CPED1: variants seen among roughly 807,000 people sequenced by gnomAD.
The protein encoded by CPED1 is cadherin like and PC-esterase domain containing 1, also known as cadherin-like and PC-esterase domain-containing protein 1.
Under a neutral mutation model 128.2 loss-of-function variants are expected in CPED1, and 114 were observed. The ratio of observed to expected loss-of-function variants is 0.89; its 90% CI spans 0.76 to 1.04. CPED1 has a LOEUF of 1.04. CPED1 is among the 50% of genes least tolerant of loss of function. CPED1 has a pLI of 0.00. For missense variants in CPED1, 1,211 were observed against 1,207.1 expected (o/e 1.00, Z -0.05); for synonymous variants, 462 against 426.7 (o/e 1.08, Z -1.02).
At chr7:121,282,978 C>T (rs1436053422) in intron 22 of CPED1, among the ~76,000 whole-genome samples, 1 of 152,128 alleles carries the variant, frequency 6.6e-6, no homozygotes, top group Non-Finnish European at 1.5e-5. Flanking sequence ...CTACAAGATA[C>T]AGAATCATTT....
chr7:121,199,270 G>A (rs1797334361), intron 16 of CPED1, among the ~76,000 whole-genome samples: 1 of 152,094 alleles, frequency 6.6e-6, no homozygotes, highest in African/African-American at 2.4e-5. Flanking sequence ...GAGTAAGAGT[G>A]TGAACACCTT....
chr7:121,139,308 A>G (rs906332664), intron 14 of CPED1, among the ~76,000 whole-genome samples: 2 of 152,020 alleles, frequency 1.3e-5, no homozygotes, highest in Non-Finnish European at 2.9e-5. Context: ...TATCTATTGT[A>G]TTATTATTGT....
chr7:121,065,837 C>T (rs1278113307), intron 5 of CPED1, among the ~76,000 whole-genome samples: 1 of 151,980 alleles, frequency 6.6e-6, no homozygotes, highest in Non-Finnish European at 1.5e-5. Flanking sequence ...TTGTATTTAT[C>T]TCTGTGAATA....
At position 121,266,138 on chromosome 7, in the gene CPED1, G is replaced by A; in HGVS notation, c.2311-89G>A. On this transcript the variant is annotated intron_variant, in intron 18 of 22. Coordinates refer to ENST00000310396, the MANE Select transcript of CPED1 (RefSeq NM_024913.5). Reference sequence around the variant, plus strand: ...GTCCTTCAAACAGTTAGGTAGTAGTGTGAATATTCAAAATTTCATTATTTT... The same window carrying A: ...GTCCTTCAAACAGTTAGGTAGTAGTATGAATATTCAAAATTTCATTATTTT... 4.2e-6 allele frequency: 4 copies of A among 950,164 alleles called. No homozygotes were observed. In the Admixed American group the frequency reaches 5.5e-5, roughly 13 times the overall value. 58.9% of individuals were successfully genotyped at this position (950,164 alleles called of 1,614,324 possible). A position where few individuals can be genotyped will look rare whatever the true frequency, so the allele number is the denominator to read the frequency against.
At chr7:121,210,156 A>G (rs747287748) in intron 16 of CPED1, among the ~76,000 whole-genome samples, 27 of 152,028 alleles carry the variant, frequency 1.8e-4, no homozygotes, top group Non-Finnish European at 7.4e-5. Context: ...AAGACAGGTA[A>G]TAACAAAGGG....
chr7:120,995,975 T>C (rs201189826), intron 2 of CPED1, among the ~76,000 whole-genome samples: 2 of 151,566 alleles, frequency 1.3e-5, no homozygotes, highest in African/African-American at 4.9e-5. Context: ...TCCTCCTTCT[T>C]CTTCTTCTTC....
chr7:121,099,910 T>A lies in CPED1; in HGVS notation c.750-16T>A. On this transcript the variant is annotated splice_polypyrimidine_tract_variant and intron_variant, in intron 6 of 22. Transcript: ENST00000310396. Reference sequence around the variant, plus strand: ...CTACATTATGGAGCGCTAACTATGTTTTTTTTTTTTTTTAGGAATGAAACG... The same window carrying A: ...CTACATTATGGAGCGCTAACTATGTATTTTTTTTTTTTTAGGAATGAAACG... 3.1e-5 allele frequency: 2 copies of A among 63,962 alleles called. No individual in the cohort carries two copies. Among genetic ancestry groups the A allele is most frequent in the Non-Finnish European group, 4.1e-5 (2 of 49,226 alleles). 4.0% of individuals were successfully genotyped at this position (63,962 alleles called of 1,614,324 possible). A position where few individuals can be genotyped will look rare whatever the true frequency, so the allele number is the denominator to read the frequency against.
At chr7:121,133,942 C>T (rs1795730501) in intron 13 of CPED1, 49 bp downstream of exon 13, 1 of 1,174,054 alleles carries the variant, frequency 8.5e-7, no homozygotes, top group Non-Finnish European at 1.2e-6. Context: ...ATAAGTATTT[C>T]CTGGCAAAAA....
At chr7:121,049,536 C>A (rs1305936895) in intron 4 of CPED1, among the ~76,000 whole-genome samples, 3 of 152,218 alleles carry the variant, frequency 2.0e-5, no homozygotes, top group African/African-American at 7.2e-5. Flanking sequence ...CAAACGTCAG[C>A]CTCCTGGGGG....
chr7:121,207,243 T>C (rs952143596), intron 16 of CPED1, among the ~76,000 whole-genome samples: 3 of 152,038 alleles, frequency 2.0e-5, no homozygotes, highest in African/African-American at 7.2e-5. Context: ...CTTGTACTCA[T>C]TTCTATAGTA....
At chr7:121,086,790 G>A (rs1794435551) in intron 5 of CPED1, among the ~76,000 whole-genome samples, 1 of 152,192 alleles carries the variant, frequency 6.6e-6, no homozygotes, top group South Asian at 2.1e-4. Flanking sequence ...GATAAGGGTG[G>A]CCATGAACTT....
At chr7:121,019,967 G>T (rs1792394543) in intron 3 of CPED1, among the ~76,000 whole-genome samples, 1 of 151,970 alleles carries the variant, frequency 6.6e-6, no homozygotes, top group Non-Finnish European at 1.5e-5. Context: ...AATCCAAGTA[G>T]TATGTCATCA....
chr7:121,130,442 A>C, intron 12 of CPED1, 148 bp downstream of exon 12: 1 of 615,464 alleles, frequency 1.6e-6, no homozygotes, highest in Non-Finnish European at 2.7e-6. Context: ...ATGTCTTTAA[A>C]CATTGAAACC....
chr7:120,990,045 T>C (rs777898533), intron 2 of CPED1, among the ~76,000 whole-genome samples, 175 bp downstream of exon 2: 4 of 152,214 alleles, frequency 2.6e-5, no homozygotes, highest in Non-Finnish European at 2.9e-5. Context: ...TTCAACTTCT[T>C]ATAGTTACTT....
At chr7:121,205,057 TTGC>T (rs919739125) in intron 16 of CPED1, among the ~76,000 whole-genome samples, 3 of 152,106 alleles carry the variant, frequency 2.0e-5, no homozygotes, top group African/African-American at 7.2e-5. Context: ...AAGGTTTATT[TTGC>T]TGATGAGGAT....
At chr7:121,110,651 G>GAGA (rs1795087100) in intron 7 of CPED1, among the ~76,000 whole-genome samples, 1 of 152,176 alleles carries the variant, frequency 6.6e-6, no homozygotes, top group African/African-American at 2.4e-5. Flanking sequence ...GAGAGATTGA[G>GAGA]AGAAAGGCAA....
At chr7:121,059,009 T>C (rs1451397708) in intron 4 of CPED1, among the ~76,000 whole-genome samples, 5 of 152,266 alleles carry the variant, frequency 3.3e-5, no homozygotes, top group South Asian at 2.1e-4. Flanking sequence ...GCCAGGAGTC[T>C]CCCCAGTCAG....
Position 121,136,025 on chromosome 7 carries a change from T to G in CPED1, c.1649-15T>G, listed in dbSNP as rs1795775875. On this transcript the variant is annotated splice_polypyrimidine_tract_variant and intron_variant, in intron 13 of 22. Transcript: ENST00000310396. ...ATGGTTTTTATTTTAAATTTACATTTCTTTTTTTTTTTAGCTGCAGTTCCA... is the reference window on the plus strand; with the variant it reads ...ATGGTTTTTATTTTAAATTTACATTGCTTTTTTTTTTTAGCTGCAGTTCCA... The G allele has an allele frequency of 1.3e-6, 2 of 1,490,482 alleles. No homozygotes were observed. The highest frequency in any genetic ancestry group is 9.0e-7 in the Non-Finnish European group (1 of 1,108,796). 92.3% of individuals were successfully genotyped at this position (1,490,482 alleles called of 1,614,324 possible). A position where few individuals can be genotyped will look rare whatever the true frequency, so the allele number is the denominator to read the frequency against.
chr7:121,288,428 A>G (rs1223589358), intron 22 of CPED1, among the ~76,000 whole-genome samples: 1 of 152,216 alleles, frequency 6.6e-6, no homozygotes, highest in East Asian at 1.9e-4. Flanking sequence ...CAGAAGCTAC[A>G]AGTAACCCCA....
Sources: gnomAD v4.1 joint callset for allele counts (sites outside exome capture counted in the v4.1 genomes callset) on GRCh38, gnomAD v4.1.1 for gene constraint, MANE v1.5 for transcripts, NCBI Gene and HGNC (gene_info 2026-07-23, HGNC 2026-07-21) for gene names.